Variants in CSMD2 observed in about 807,000 individuals in gnomAD.
CSMD2 encodes the protein CUB and sushi domain-containing protein 2.
In CSMD2, 130 loss-of-function variants were observed where a neutral mutation model predicts 398.5. The observed-to-expected ratio is 0.33, with a 90% CI of 0.28 to 0.38. The LOEUF (loss-of-function observed/expected upper bound fraction) is 0.38, where lower values mean the gene tolerates loss of function less well. CSMD2 is among the 10% of genes least tolerant of loss of function. The pLI is 1.00. For synonymous variants in CSMD2, 1,828 were observed against 1,908.5 expected, an observed-to-expected ratio of 0.96 and a Z score of 1.10; for missense variants, 3,829 against 4,764.9, an observed-to-expected ratio of 0.80 and a Z score of 5.78.
rs185055052 is a variant in CSMD2, at chr1:33,843,502, T to G, written c.1033+3382A>C. On this transcript the variant is annotated intron_variant, in intron 6 of 70. Transcript: ENST00000373381. The stretch of plus-strand genomic sequence containing the variant: ...TGCCATAAATCACTTAAGACTATAG[T>G]GCCACAAAGCTGACTGTGGGTGAAA... Among the ~76,000 whole-genome samples the G allele has an allele frequency of 3.9e-5, 6 of 152,354 alleles. No homozygotes were observed. The East Asian group carries it at 1.2e-3, about 29-fold the overall frequency.
At chr1:34,026,968 C>G (rs1366801684) in intron 3 of CSMD2, among the ~76,000 whole-genome samples, 1 of 152,124 alleles carries the variant, frequency 6.6e-6, no homozygotes, top group Non-Finnish European at 1.5e-5. Context: ...TAAAATAAAA[C>G]TAAAAGAATA....
At chr1:34,078,399 G>A (rs1213715950) in intron 2 of CSMD2, among the ~76,000 whole-genome samples, 4 of 152,166 alleles carry the variant, frequency 2.6e-5, no homozygotes, top group African/African-American at 9.7e-5. Context: ...AGTCTAAAAT[G>A]TCTGATGAGT....
chr1:33,933,041 G>A (rs2125321269), intron 4 of CSMD2, among the ~76,000 whole-genome samples: 1 of 152,356 alleles, frequency 6.6e-6, no homozygotes, highest in African/African-American at 2.4e-5. Flanking sequence ...CCAAAAGACT[G>A]TGAAGCTCCT....
At chr1:34,159,127 C>T (rs1641076126) in intron 1 of CSMD2, among the ~76,000 whole-genome samples, 1 of 152,076 alleles carries the variant, frequency 6.6e-6, no homozygotes, top group African/African-American at 2.4e-5. Context: ...ACTGAGTGTC[C>T]ACTATGTGCT....
Position 33,918,226 on chromosome 1 carries a change from T to G in CSMD2, c.788A>C (p.His263Pro). 6.2e-7 allele frequency: 1 copy of G among 1,614,154 alleles called. No homozygotes were observed. The highest frequency in any genetic ancestry group is 8.5e-7 in the Non-Finnish European group (1 of 1,180,026). Residue 263 changes from histidine (H) to proline (P), a missense_variant, in exon 5 of 71, where the codon CAT becomes CCT. His to Pro is a moderately conservative substitution (Grantham distance 77). Coordinates refer to ENST00000373381, the MANE Select transcript of CSMD2 (RefSeq NM_001281956.2). ...GGTCCATGTGCAGTCGGCATTGTTA[T>G]GGTACTCCGAGGGGAAGTGGGGGCT... is the stretch of plus-strand genomic sequence containing the variant. ...ISSPHFPSEY[H>P]NNADCTWTIL...
intron 3 of CSMD2, among the ~76,000 whole-genome samples, chr1:33,950,223 G>A (rs1244409555): frequency 6.6e-6 from 1 of 152,076 alleles, no homozygotes; most frequent in Non-Finnish European, 1.5e-5. Flanking sequence ...GTAGGATCAT[G>A]GCTCTTCCCT....
intron 2 of CSMD2, among the ~76,000 whole-genome samples, chr1:34,048,356 G>A (rs986616945): frequency 6.6e-6 from 1 of 152,232 alleles, no homozygotes; most frequent in Non-Finnish European, 1.5e-5. Flanking sequence ...CAGGAGGTTT[G>A]ATGGAACAGC....
rs370581773 is a variant in CSMD2 at position 33,820,501 on chromosome 1, G to A, written c.1167C>T (p.Pro389=). ...CCGAGCCTAGTCTTTTGCCCCTTTC[G>A]GGTATGCCAGGGTCTGGACACATAT... ...GHNMCPDPGI[P]ERGKRLGSDF... is the part of the protein sequence containing the mutation. Residue 389 remains proline (P), a synonymous_variant, in exon 8 of 71, where the codon CCC becomes CCT. Coordinates refer to ENST00000373381, the MANE Select transcript of CSMD2 (RefSeq NM_001281956.2). 11 of 1,608,978 alleles carry A rather than the reference G, an allele frequency of 6.8e-6. No homozygotes were observed. The highest frequency in any genetic ancestry group is 4.4e-5 in the South Asian group (4 of 90,864).
At chr1:33,691,679 G>A (rs1056957830) in intron 25 of CSMD2, among the ~76,000 whole-genome samples, 7 of 151,936 alleles carry the variant, frequency 4.6e-5, no homozygotes, top group African/African-American at 9.7e-5. Flanking sequence ...ACTCCTGATG[G>A]TGTCTCCCCA....
chr1:33,911,511 A>G (rs1178548538), intron 5 of CSMD2, among the ~76,000 whole-genome samples: 1 of 152,168 alleles, frequency 6.6e-6, no homozygotes, highest in African/African-American at 2.4e-5. Flanking sequence ...ACGTCTGCAG[A>G]GTAGACAGTT....
chr1:33,777,555 C>A (rs763121931), intron 12 of CSMD2, among the ~76,000 whole-genome samples: 1 of 152,196 alleles, frequency 6.6e-6, no homozygotes, highest in African/African-American at 2.4e-5. Context: ...CCAAGTCTGA[C>A]GTCAGGACCC....
chr1:34,078,326 A>C (rs1656670572), intron 2 of CSMD2, among the ~76,000 whole-genome samples: 1 of 152,046 alleles, frequency 6.6e-6, no homozygotes, highest in Non-Finnish European at 1.5e-5. Flanking sequence ...TACATGCACA[A>C]TTAATGACTG....
Position 34,089,047 on chromosome 1 carries a change from C to A in CSMD2, c.334G>T (p.Ala112Ser). The change falls in exon 2 of 71, where the codon GCC (alanine) becomes TCC (serine). Residue 112 changes from alanine to serine, a missense_variant. Physicochemically the swap from Ala to Ser is moderately conservative, Grantham distance 99. Transcript: ENST00000373381. ...HRIQLVFQSFALEEDFDVLSV... is the reference protein window; with the variant it reads ...HRIQLVFQSFSLEEDFDVLSV... ...AGGACATCAAAGTCCTCTTCCAGGG[C>A]AAAGGACTGGAACACAAGCTGGATT... is the stretch of plus-strand genomic sequence containing the variant. 1 of 1,614,172 alleles carries A rather than the reference C, an allele frequency of 6.2e-7. No individual in the cohort carries two copies. The highest frequency in any genetic ancestry group is 8.5e-7 in the Non-Finnish European group (1 of 1,180,038).
rs917528098 is a variant in CSMD2, at chr1:33,548,175, CTGT to C, written c.8918-1959_8918-1957del. On this transcript the variant is annotated intron_variant, in intron 56 of 70. Coordinates refer to ENST00000373381, the MANE Select transcript of CSMD2 (RefSeq NM_001281956.2). ...GCAGAACTGTGAGTTGATCAAACCT[CTGT>C]TGTTTATAAATTACCAGGCTCAGGT... Among the ~76,000 whole-genome samples, 110 of 151,994 alleles carry C rather than the reference CTGT, an allele frequency of 7.2e-4. 1 individual carries two copies. Among genetic ancestry groups the C allele is most frequent in the Admixed American group, 3.3e-4 (5 of 15,286 alleles).
In CSMD2 at chr1:33,921,703, G is replaced by T. The variant is rs531783724; in HGVS notation, c.713-3402C>A. ...GCCTGGAAGGGCATGCTGCTTGGGG[G>T]AAGGCCTTGACAGCACTGCCGAGGT... is the stretch of plus-strand genomic sequence containing the variant. On this transcript the variant is annotated intron_variant, in intron 4 of 70. Transcript: ENST00000373381. 2.6e-5 allele frequency among the ~76,000 whole-genome samples: 4 copies of T among 152,378 alleles called. No homozygotes were observed. The East Asian group carries it at 7.7e-4, about 29-fold the overall frequency.
chr1:33,613,197 A>G (rs1340267255), intron 40 of CSMD2, among the ~76,000 whole-genome samples: 1 of 152,226 alleles, frequency 6.6e-6, no homozygotes, highest in East Asian at 1.9e-4. Context: ...ACCCAGCAGT[A>G]GCTTCTTCCC....
At chr1:33,534,690 A>C (rs1655595838) in intron 62 of CSMD2, among the ~76,000 whole-genome samples, 1 of 152,242 alleles carries the variant, frequency 6.6e-6, no homozygotes, top group Admixed American at 6.5e-5. Flanking sequence ...TGCAAATGCA[A>C]TGTGTAACTC....
intron 3 of CSMD2, among the ~76,000 whole-genome samples, chr1:33,941,542 C>T (rs956521600): frequency 6.6e-6 from 1 of 152,156 alleles, no homozygotes; most frequent in African/African-American, 2.4e-5. Flanking sequence ...GTACGTGTGT[C>T]CATATGTGTG....
Position 33,573,222 on chromosome 1 carries a change from C to T in CSMD2, c.7577-531G>A, listed in dbSNP as rs574971875. Among the ~76,000 whole-genome samples the T allele has an allele frequency of 2.0e-5, 3 of 152,204 alleles. No homozygotes were observed. The South Asian group carries it at 6.2e-4, about 32-fold the overall frequency. ...CACTGATAGGAGAGACTTTGTGGAC[C>T]AAGATATCTGTATATAAAAATAACA... On this transcript the variant is annotated intron_variant, in intron 49 of 70. Coordinates refer to ENST00000373381, the MANE Select transcript of CSMD2 (RefSeq NM_001281956.2).
Sources: gnomAD v4.1 joint callset for allele counts (sites outside exome capture counted in the v4.1 genomes callset) on GRCh38, gnomAD v4.1.1 for gene constraint, MANE v1.5 for transcripts, NCBI Gene and HGNC (gene_info 2026-07-23, HGNC 2026-07-21) for gene names.